The following TTN variants were observed in gnomAD, a reference collection of about 807,000 sequenced individuals.
TTN encodes connectin.
TTN carries 1,525 observed loss-of-function variants against 3,223.0 expected under a neutral mutation model. The ratio of observed to expected loss-of-function variants is 0.47; its 90% confidence interval spans 0.45 to 0.49. The LOEUF (loss-of-function observed/expected upper bound fraction) is 0.49, where lower values mean the gene tolerates loss of function less well. TTN is among the 20% of genes least tolerant of loss of function. TTN has a pLI of 0.00. For synonymous variants in TTN, 14,094 were observed against 15,161.0 expected, an observed-to-expected ratio of 0.93 and a Z score of 5.17; for missense variants, 40,786 against 43,424.0, an observed-to-expected ratio of 0.94 and a Z score of 5.40.
chr2:178,537,283 T>C, intron 355 of TTN, 40 bp from the exon 356 acceptor site: 2 of 1,536,724 alleles, frequency 1.3e-6, no homozygotes, highest in Non-Finnish European at 1.7e-6. Flanking sequence ...TTTCATAGTG[T>C]GTTTTTGAGA....
Position 178,551,758 on chromosome 2 carries a change from C to G in TTN, c.91142G>C (p.Gly30381Ala), listed in dbSNP as rs1411459280. The change falls in exon 335 of 363, where the codon GGA (glycine) becomes GCA (alanine). Residue 30381 changes from glycine (G) to alanine (A), a missense_variant. Coordinates refer to ENST00000589042, the MANE Select transcript of TTN (RefSeq NM_001267550.2). ...CAGTCCAGTGGCTCTATATTCTCTT[C>G]CAGAGATTGGTGATGTATTAACTTT... is the stretch of plus-strand genomic sequence containing the variant. ...WQKVNTSPISGREYRATGLVE... is the reference protein window; with the variant it reads ...WQKVNTSPISAREYRATGLVE... 4 of 1,613,838 alleles carry G rather than the reference C, an allele frequency of 2.5e-6. No individual in the cohort carries two copies. Among genetic ancestry groups the G allele is most frequent in the Non-Finnish European group, 3.4e-6 (4 of 1,179,802 alleles).
rs2077763797 is a variant in TTN at position 178,718,051 on chromosome 2, C to T, written c.24955G>A (p.Ala8319Thr). 6.2e-7 allele frequency: 1 copy of T among 1,613,630 alleles called. No individual in the cohort carries two copies. The highest frequency in any genetic ancestry group is 1.1e-5 in the South Asian group (1 of 91,084). The change falls in exon 86 of 363, where the codon GCT (alanine) becomes ACT (threonine). Residue 8319 changes from alanine (A) to threonine (T), a missense_variant. Physicochemically the swap from Ala to Thr is moderately conservative, Grantham distance 58. Transcript: ENST00000589042. ...TCCACTTTGTTGATTACTAAGGAAG[C>T]AACGTTATTTTTGAATTGCATTTTA... ...AYKMQFKNNV[A>T]SLVINKVDHS...
At position 178,768,728 on chromosome 2, in the gene TTN, A is replaced by G. The variant is rs886044544; in HGVS notation, c.9108T>C (p.Ala3036=). The G allele has an allele frequency of 3.7e-6, 6 of 1,614,014 alleles. No homozygotes were observed. Among genetic ancestry groups the G allele is most frequent in the African/African-American group, 1.3e-5 (1 of 74,936 alleles). ...CTTTTCCAGCCACAAAGGTGTAGTC[A>G]GCAGCATCCCCAAAGTGAACATTCC... ...NIRNVHFGDA[A]DYTFVAGKAT... is the part of the protein sequence containing the mutation. Residue 3036 remains alanine, a synonymous_variant, in exon 38 of 363, where the codon GCT becomes GCC. Transcript: ENST00000589042.
chr2:178,701,732 A>G (rs2075038338), intron 109 of TTN, 145 bp from the exon 110 acceptor site: 2 of 854,314 alleles, frequency 2.3e-6, no homozygotes, highest in Non-Finnish European at 3.5e-6. Context: ...TAATATTAGT[A>G]TTCTTTTGTA....
rs750040187 is a variant in TTN at position 178,557,035 on chromosome 2, C to T, written c.88119G>A (p.Glu29373=). Residue 29373 remains glutamate (E), a synonymous_variant, in exon 330 of 363, where the codon GAG becomes GAA. Transcript: ENST00000589042. The part of the protein sequence containing the change: ...GGSKITGYIV[E]RRDLPDGRWT... ...ATCTGCCATCTGGAAGGTCACGTCTCTCAACAATGTAGCCTGTAATCTTGC... is the reference window on the plus strand; with the variant it reads ...ATCTGCCATCTGGAAGGTCACGTCTTTCAACAATGTAGCCTGTAATCTTGC... The T allele has an allele frequency of 6.2e-7, 1 of 1,613,764 alleles. No homozygotes were observed. Among genetic ancestry groups the T allele is most frequent in the South Asian group, 1.1e-5 (1 of 91,084 alleles).
In TTN at chr2:178,704,093, C is replaced by T. The variant is rs897837797; in HGVS notation, c.30223+54G>A. 17 of 1,582,792 alleles carry T rather than the reference C, an allele frequency of 1.1e-5. No individual in the cohort carries two copies. The African/African-American group carries it at 2.2e-4, about 20-fold the overall frequency. On this transcript the variant is annotated intron_variant, in intron 106 of 362. Coordinates refer to ENST00000589042, the MANE Select transcript of TTN (RefSeq NM_001267550.2). ...GTAGGGTTGCAGGGGTCCTGCACAACATTTGCCATTGACCTATGCTGTACC... is the reference window on the plus strand; with the variant it reads ...GTAGGGTTGCAGGGGTCCTGCACAATATTTGCCATTGACCTATGCTGTACC...
chr2:178,664,570 G>A, intron 167 of TTN, 33 bp from the exon 168 acceptor site: 4 of 1,605,164 alleles, frequency 2.5e-6, no homozygotes, highest in Non-Finnish European at 2.6e-6. Context: ...ACATTTAGAA[G>A]TTACAAGAAT....
chr2:178,764,720 T>G lies in TTN; in HGVS notation c.9795A>C (p.Arg3265Ser), dbSNP rs141708467. 2.5e-5 allele frequency: 41 copies of G among 1,613,946 alleles called. No homozygotes were observed. The African/African-American group carries it at 4.7e-4, about 18-fold the overall frequency. Residue 3265 changes from arginine (R) to serine (S), a missense_variant, in exon 42 of 363, where the codon AGA becomes AGC. Physicochemically the swap from Arg to Ser is moderately radical, Grantham distance 110 (BLOSUM62 -1). Coordinates refer to ENST00000589042, the MANE Select transcript of TTN (RefSeq NM_001267550.2). ...TGTACCAGGAAATTTTGGGCTGTGG[T>G]CTTCCGGATATCACGGCACAGAAGC... is the stretch of plus-strand genomic sequence containing the variant. ...PARFCAVISG[R>S]PQPKISWYKE...
intron 288 of TTN, 87 bp from the exon 289 acceptor site, chr2:178,599,937 G>T (rs1404130505): frequency 1.5e-6 from 2 of 1,298,920 alleles, no homozygotes; most frequent in African/African-American, 1.5e-5. Context: ...AAGTTGTTTG[G>T]ATCCACTGTA....
In TTN at chr2:178,718,957, T is replaced by C; in HGVS notation, c.24243A>G (p.Glu8081=). ...AAACTTCCACAGAATCAGGGGTTTG[T>C]TCAAAAGATGGTGGTTCTAGATATT... ...VLTVQEPPSF[E]QTPDSVEVLP... is the part of the protein sequence containing the mutation. Residue 8081 remains glutamate (E), a synonymous_variant, in exon 84 of 363, where the codon GAA becomes GAG. Coordinates refer to ENST00000589042, the MANE Select transcript of TTN (RefSeq NM_001267550.2). 6.2e-7 allele frequency: 1 copy of C among 1,606,308 alleles called. No individual in the cohort carries two copies. Among genetic ancestry groups the C allele is most frequent in the Non-Finnish European group, 8.5e-7 (1 of 1,176,056 alleles).
Position 178,552,568 on chromosome 2 carries a change from A to G in TTN, c.90332T>C (p.Leu30111Pro), listed in dbSNP as rs368516973. ...FRVFAKNEKG[L>P]SDPVTIGPIT... ...TGGCCCAATAGTGACAGGATCACTC[A>G]GTCCTTTCTCATTTTTGGCAAACAC... Residue 30111 changes from leucine (L) to proline (P), a missense_variant, in exon 335 of 363, where the codon CTG becomes CCG. By Grantham distance (98) the Leu-to-Pro change is moderately conservative. Coordinates refer to ENST00000589042, the MANE Select transcript of TTN (RefSeq NM_001267550.2). 5.6e-5 allele frequency: 90 copies of G among 1,613,732 alleles called. No individual in the cohort carries two copies. Among genetic ancestry groups the G allele is most frequent in the Non-Finnish European group, 7.4e-5 (87 of 1,179,836 alleles).
Position 178,553,348 on chromosome 2 carries a change from G to T in TTN, c.89552C>A (p.Ala29851Asp), listed in dbSNP as rs774885355. 14 of 1,601,296 alleles carry T rather than the reference G, an allele frequency of 8.7e-6. No homozygotes were observed. In the South Asian group the frequency reaches 9.9e-5, roughly 11 times the overall value. The change falls in exon 335 of 363, where the codon GCC (alanine) becomes GAC (aspartate). Residue 29851 changes from alanine to aspartate, a missense_variant. Transcript: ENST00000589042. ...CACTTGTACATCTTCACCAGCTTTG[G>T]CAATAACAGAAGTTCTGAGAGCCAC... Reference protein sequence around the residue: ...LDVALRTSVIAKAGEDVQVLI... With the variant: ...LDVALRTSVIDKAGEDVQVLI...
chr2:178,739,909 T>A lies in TTN; in HGVS notation c.13324A>T (p.Met4442Leu). 6.2e-7 allele frequency: 1 copy of A among 1,613,920 alleles called. No individual in the cohort carries two copies. The highest frequency in any genetic ancestry group is 1.1e-5 in the South Asian group (1 of 91,076). ...GACTTTGCCGAAGTAACAAGGTACA[T>A]GCACATGATGTGTCTGGGCTCTTGG... ...ITQEPRHIMC[M>L]YLVTSAKSVT... Residue 4442 changes from methionine (M) to leucine (L), a missense_variant, in exon 48 of 363, where the codon ATG becomes TTG. Transcript: ENST00000589042.
At chr2:178,586,907 C>T (rs1391019714) in intron 307 of TTN, 100 bp from the exon 308 acceptor site, 2 of 1,482,914 alleles carry the variant, frequency 1.3e-6, no homozygotes, top group Non-Finnish European at 1.8e-6. Context: ...CTCCAATGTA[C>T]ATAGAACCTG....
At position 178,729,116 on chromosome 2, in the gene TTN, A is replaced by G. The variant is rs1259623992; in HGVS notation, c.18922T>C (p.Ser6308Pro). The change falls in exon 65 of 363, where the codon TCT becomes CCT. Residue 6308 changes from serine to proline, a missense_variant. Physicochemically the swap from Ser to Pro is moderately conservative, Grantham distance 74 (BLOSUM62 -1). Coordinates refer to ENST00000589042, the MANE Select transcript of TTN (RefSeq NM_001267550.2). ...GCCACGGTACTCTGAAAGGTGGCAG[A>G]ACTTTTCAAAACAGTAGTGGTATTT... ...IENTTTVLKS[S>P]ATFQSTVAGS... The G allele has an allele frequency of 1.9e-6, 3 of 1,608,646 alleles. No homozygotes were observed. Among genetic ancestry groups the G allele is most frequent in the Non-Finnish European group, 2.5e-6 (3 of 1,177,516 alleles).
At position 178,594,630 on chromosome 2, in the gene TTN, A is replaced by C. The variant is rs878854320; in HGVS notation, c.57864T>G (p.Pro19288=). The part of the protein sequence containing the change: ...IREPITVPER[P]EDLEVKEVTK... ...TAACTTCTTTGACTTCCAGGTCTTCAGGACGCTCTGGTACAGCTGCGAATA... is the reference window on the plus strand; with the variant it reads ...TAACTTCTTTGACTTCCAGGTCTTCCGGACGCTCTGGTACAGCTGCGAATA... The change falls in exon 296 of 363, where the codon CCT becomes CCG. Residue 19288 remains proline, a synonymous_variant. Coordinates refer to ENST00000589042, the MANE Select transcript of TTN (RefSeq NM_001267550.2). 1 of 1,609,774 alleles carries C rather than the reference A, an allele frequency of 6.2e-7. No homozygotes were observed. The highest frequency in any genetic ancestry group is 1.3e-5 in the African/African-American group (1 of 74,848).
rs886055284 is a variant in TTN at position 178,683,217 on chromosome 2, T to C, written c.32881A>G (p.Ile10961Val). ...TAATCAAAGTTCAATATACCTTTGA[T>C]GGGTTGAGGTTCTCTTTTTGGAGCT... Reference protein sequence around the residue: ...IEAPKREPQPIKEVTIMEEKE... With the variant: ...IEAPKREPQPVKEVTIMEEKE... Residue 10961 changes from isoleucine to valine, a missense_variant, in exon 134 of 363, where the codon ATC becomes GTC. Transcript: ENST00000589042. The C allele has an allele frequency of 2.2e-5, 34 of 1,548,910 alleles. No homozygotes were observed. In the East Asian group the frequency reaches 8.2e-4, roughly 37 times the overall value.
chr2:178,720,835 T>G, intron 79 of TTN, 86 bp downstream of exon 79: 1 of 1,457,654 alleles, frequency 6.9e-7, no homozygotes. Context: ...ATAACCTTAA[T>G]TATCCTTTTA....
chr2:178,533,321 C>T lies in TTN; in HGVS notation c.103294G>A (p.Gly34432Ser). ...HIRDTLPEDTGYYRVTATNTA... is the reference protein window; with the variant it reads ...HIRDTLPEDTSYYRVTATNTA... ...TTAGTGGCTGTGACTCTATAATAACCCGTGTCTTCAGGCAAAGTGTCCCTG... is the reference window on the plus strand; with the variant it reads ...TTAGTGGCTGTGACTCTATAATAACTCGTGTCTTCAGGCAAAGTGTCCCTG... The change falls in exon 358 of 363, where the codon GGT becomes AGT. Residue 34432 changes from glycine (G) to serine (S), a missense_variant. By Grantham distance (56) the Gly-to-Ser change is moderately conservative. Coordinates refer to ENST00000589042, the MANE Select transcript of TTN (RefSeq NM_001267550.2). 1.2e-6 allele frequency: 2 copies of T among 1,613,844 alleles called. No individual in the cohort carries two copies. Among genetic ancestry groups the T allele is most frequent in the Non-Finnish European group, 1.7e-6 (2 of 1,179,856 alleles).
Sources: gnomAD v4.1 joint callset for allele counts on GRCh38, gnomAD v4.1.1 for gene constraint, MANE v1.5 for transcripts, NCBI Gene and HGNC (gene_info 2026-07-23, HGNC 2026-07-21) for gene names.